Variants in MYH11 observed in about 807,000 individuals in gnomAD.
MYH11 encodes the protein myosin heavy chain 11.
A neutral mutation model predicts 246.6 loss-of-function variants in MYH11; 80 were observed. The observed-to-expected ratio is 0.32, with a 90% CI of 0.27 to 0.39. The LOEUF (loss-of-function observed/expected upper bound fraction) is 0.39, where lower values mean the gene tolerates loss of function less well. Ranked by LOEUF, MYH11 falls within the 10% of genes least tolerant of loss-of-function variation. The pLI, the probability that MYH11 is intolerant of heterozygous loss-of-function variation, is 1.00. For synonymous variants in MYH11, 1,071 were observed against 1,015.5 expected (o/e 1.05, Z -1.04); for missense variants, 2,158 against 2,546.8 (o/e 0.85, Z 3.29).
intron 1 of MYH11, among the ~76,000 whole-genome samples, chr16:15,841,503 G>GT (rs1567214029): frequency 6.6e-6 from 1 of 152,118 alleles, no homozygotes; most frequent in Admixed American, 6.6e-5. Flanking sequence ...TTGATTCTGC[G>GT]TTTTCTATAC....
intron 32 of MYH11, 81 bp downstream of exon 32, chr16:15,721,341 C>G: frequency 6.8e-7 from 1 of 1,479,160 alleles, no homozygotes; most frequent in East Asian, 2.3e-5. Flanking sequence ...AGGCCAGGAG[C>G]TAGCCTCGCA....
intron 40 of MYH11, chr16:15,708,668 C>G: frequency 1.1e-6 from 1 of 912,104 alleles, no homozygotes; most frequent in Non-Finnish European, 1.8e-6. Context: ...CAAAGATATC[C>G]AAGCCTCCAG....
chr16:15,718,419 T>G lies in MYH11; in HGVS notation c.5191A>C (p.Lys1731Gln). Residue 1731 changes from lysine (K) to glutamine (Q), a missense_variant, in exon 37 of 41, where the codon AAG becomes CAG. Lys to Gln is a moderately conservative substitution (Grantham distance 53). Coordinates refer to ENST00000300036, the MANE Select transcript of MYH11 (RefSeq NM_002474.3). ...LSGRNALQDE[K>Q]RRLEARIAQL... ...GCGATCCGGGCCTCCAGGCGGCGCTTCTCGTCCTGGAGTGCGTTCCTGGGG... is the reference window on the plus strand; with the variant it reads ...GCGATCCGGGCCTCCAGGCGGCGCTGCTCGTCCTGGAGTGCGTTCCTGGGG... The G allele has an allele frequency of 5.1e-6, 8 of 1,580,212 alleles. No individual in the cohort carries two copies. Among genetic ancestry groups the G allele is most frequent in the Non-Finnish European group, 6.9e-6 (8 of 1,164,388 alleles).
At chr16:15,709,788 G>A (rs986823372) in intron 40 of MYH11, among the ~76,000 whole-genome samples, 2 of 152,174 alleles carry the variant, frequency 1.3e-5, no homozygotes, top group Non-Finnish European at 2.9e-5. Flanking sequence ...ACCTGCAGCC[G>A]CCTGTCCCTT....
chr16:15,726,877 C>G lies in MYH11; in HGVS notation c.3829G>C (p.Glu1277Gln). Residue 1277 changes from glutamate to glutamine, a missense_variant, in exon 28 of 41, where the codon GAG becomes CAG. Physicochemically the swap from Glu to Gln is conservative, Grantham distance 29 (BLOSUM62 2). Around this residue, in one of 11 missense-constraint regions of MYH11, gnomAD observed 1,013 missense variants for 993.5 expected, o/e 1.02. Coordinates refer to ENST00000300036, the MANE Select transcript of MYH11 (RefSeq NM_002474.3). The stretch of plus-strand genomic sequence containing the variant: ...AGCTTGTGGACTTTGTCATTGAGCT[C>G]CGCCCGGGCCCGCTCCCCATCGCTG... ...KCSDGERARA[E>Q]LNDKVHKLQN... 1 of 1,612,190 alleles carries G rather than the reference C, an allele frequency of 6.2e-7. No individual in the cohort carries two copies. Among genetic ancestry groups the G allele is most frequent in the South Asian group, 1.1e-5 (1 of 91,084 alleles).
chr16:15,781,097 G>A (rs2042342675), intron 6 of MYH11, among the ~76,000 whole-genome samples: 1 of 151,968 alleles, frequency 6.6e-6, no homozygotes, highest in African/African-American at 2.4e-5. Context: ...GTAGAGATGG[G>A]GTTTCCCCAT....
At chr16:15,833,381 G>GAGGGAGGAAGGAAGGA (rs1555458564) in intron 2 of MYH11, among the ~76,000 whole-genome samples, 1,976 of 136,728 alleles carry the variant, frequency 0.014, 46 homozygotes, top group African/African-American at 0.04. Context: ...GGGAGGGAGG[G>GAGGGAGGAAGGAAGGA]AGGGAGGAAG....
At chr16:15,708,290 G>A (rs142034693) in intron 40 of MYH11, among the ~76,000 whole-genome samples, 21 of 152,262 alleles carry the variant, frequency 1.4e-4, no homozygotes, top group African/African-American at 5.1e-4. Context: ...ACTGGTTGCC[G>A]CGCCGCAGTT....
chr16:15,834,989 G>C (rs907094707), intron 2 of MYH11, among the ~76,000 whole-genome samples: 23 of 149,578 alleles, frequency 1.5e-4, no homozygotes, highest in African/African-American at 5.4e-4. Flanking sequence ...GCTGAGGTGA[G>C]AGGATCGTTT....
chr16:15,749,658 A>T (rs1024788328), intron 16 of MYH11: 3 of 200,944 alleles, frequency 1.5e-5, no homozygotes, highest in African/African-American at 7.0e-5. Flanking sequence ...CATCCTGTGC[A>T]TTGTACAATG....
At chr16:15,834,572 T>C (rs1172891496) in intron 2 of MYH11, among the ~76,000 whole-genome samples, 1 of 150,126 alleles carries the variant, frequency 6.7e-6, no homozygotes, top group Non-Finnish European at 1.5e-5. Flanking sequence ...ATGTCCACCA[T>C]ACAAACAGCC....
At chr16:15,780,711 G>C (rs2042333363) in intron 6 of MYH11, among the ~76,000 whole-genome samples, 1 of 152,054 alleles carries the variant, frequency 6.6e-6, no homozygotes, top group Non-Finnish European at 1.5e-5. Context: ...TCAAACTCCT[G>C]ACCTCAGGTG....
intron 27 of MYH11, among the ~76,000 whole-genome samples, chr16:15,732,309 A>G (rs2040989023): frequency 1.3e-5 from 2 of 152,136 alleles, no homozygotes; most frequent in East Asian, 1.9e-4. Flanking sequence ...TATGTTGCCC[A>G]GGCTGGTCTC....
At position 15,741,063 on chromosome 16, in the gene MYH11, A is replaced by G. The variant is rs372328218; in HGVS notation, c.2859+400T>C. On this transcript the variant is annotated intron_variant, in intron 22 of 40. Transcript: ENST00000300036. ...CTTCAGATGACTGCAGCCTCAGCCAACACCTTGACTGCAACCTCAGGCCGG... is the reference window on the plus strand; with the variant it reads ...CTTCAGATGACTGCAGCCTCAGCCAGCACCTTGACTGCAACCTCAGGCCGG... 1.8e-3 allele frequency: 620 copies of G among 353,712 alleles called. 1 individual carries two copies. Among genetic ancestry groups the G allele is most frequent in the South Asian group, 2.2e-3 (91 of 41,750 alleles). 21.9% of individuals were successfully genotyped at this position (353,712 alleles called of 1,614,324 possible).
chr16:15,725,567 T>TG, intron 28 of MYH11: 3 of 407,478 alleles, frequency 7.4e-6, no homozygotes, highest in Non-Finnish European at 1.3e-5. Flanking sequence ...CCTTTGAGGC[T>TG]GTTAGCCTAC....
At chr16:15,740,237 C>T in intron 22 of MYH11, 49 bp from the exon 23 acceptor site, 4 of 1,613,042 alleles carry the variant, frequency 2.5e-6, no homozygotes, top group Non-Finnish European at 3.4e-6. Context: ...AACAGATTTA[C>T]TCTCGTGGTG....
Position 15,703,633 on chromosome 16 carries a change from G to A in MYH11, c.*358C>T, listed in dbSNP as rs192051192. 7.3e-6 allele frequency: 3 copies of A among 411,374 alleles called. No homozygotes were observed. The highest frequency in any genetic ancestry group is 4.1e-5 in the East Asian group (1 of 24,422). 25.5% of individuals were successfully genotyped at this position (411,374 alleles called of 1,614,324 possible). ...GTTGAGACAGGGTCTCTGTTGCCCA[G>A]GCTGGAGTGCAATGATGCAATTATA... On this transcript the variant is annotated 3_prime_UTR_variant, in exon 41 of 41. Transcript: ENST00000300036.
At position 15,705,237 on chromosome 16, in the gene MYH11, C is replaced by T. The variant is rs3784857; in HGVS notation, c.5787-1114G>A. On this transcript the variant is annotated intron_variant, in intron 40 of 40. Transcript: ENST00000300036. ...CCTCAAACGATCCACCTGTCTTAGC[C>T]TCTCAAAGTGTTGGGATTACAGGTG... Among the ~76,000 whole-genome samples, 14 of 152,348 alleles carry T rather than the reference C, an allele frequency of 9.2e-5. No homozygotes were observed. The East Asian group carries it at 2.5e-3, about 27-fold the overall frequency.
chr16:15,806,279 CAAAAAAAAAAAAAAAAAAAA>C (rs71134463), intron 3 of MYH11, among the ~76,000 whole-genome samples: 1,140 of 61,144 alleles, frequency 0.019, 32 homozygotes, highest in African/African-American at 0.055. Flanking sequence ...CACTCTGTCT[CAAAAAAAAAAAAAAAAAAAA>C]AAAAAAAAAA....
Sources: allele counts gnomAD v4.1 joint callset (sites outside exome capture counted in the v4.1 genomes callset), GRCh38; gene constraint gnomAD v4.1.1; regional missense constraint gnomAD v4.1.1; transcripts MANE v1.5; gene names NCBI Gene and HGNC (gene_info 2026-07-23, HGNC 2026-07-21).